BRI3: variants seen among roughly 807,000 people sequenced by gnomAD.
BRI3 encodes membrane protein BRI3.
In BRI3, 6 loss-of-function variants were observed where a neutral mutation model predicts 12.8. The observed-to-expected ratio is 0.47, with a 90% confidence interval of 0.26 to 0.93. The LOEUF is 0.93. Among genes scored for constraint, BRI3 ranks in the 40% least tolerant of loss-of-function variants. The pLI, the probability that BRI3 is intolerant of heterozygous loss-of-function variation, is 0.15. For synonymous variants in BRI3, 91 were observed against 76.1 expected (o/e 1.20, Z -1.02); for missense variants, 134 against 171.1 (o/e 0.78, Z 1.21).
chr7:98,292,755 C>T (rs1281246319), downstream of BRI3: 1 of 1,550,394 alleles, frequency 6.4e-7, no homozygotes. Context: ...GCAGCTTTGG[C>T]CAACTAGCTG....
chr7:98,297,362 G>A (rs1303130372), downstream of BRI3, among the ~76,000 whole-genome samples: 6 of 152,128 alleles, frequency 3.9e-5, no homozygotes, highest in African/African-American at 1.4e-4. Context: ...TTTCAGAGGG[G>A]TCCCGGGCAG....
At chr7:98,312,295 A>G (rs202108274), downstream of BRI3, 3 of 1,576,244 alleles carry the variant, frequency 1.9e-6, no homozygotes, top group East Asian at 6.8e-5. Context: ...GACTAAAGAC[A>G]AAGAAGATTG....
At chr7:98,294,036 T>C (rs538027916), downstream of BRI3, 5 of 1,608,306 alleles carry the variant, frequency 3.1e-6, no homozygotes, top group Non-Finnish European at 4.3e-6. Context: ...GGAAGAGCAA[T>C]GTCACACACT....
chr7:98,307,866 G>A lies in BRI3; in HGVS notation n.496G>A. The A allele has an allele frequency of 3.1e-6, 5 of 1,614,246 alleles. No individual in the cohort carries two copies. The highest frequency in any genetic ancestry group is 4.2e-6 in the Non-Finnish European group (5 of 1,180,054). On this transcript the variant is annotated non_coding_transcript_exon_variant, in exon 2 of 2. Coordinates refer to the BRI3 transcript ENST00000485422. ...GTTCAGTCCCGTTGCAACCGAAACTGATCGCTGTAAACTGGGATCTTCGGA... is the reference window on the plus strand; with the variant it reads ...GTTCAGTCCCGTTGCAACCGAAACTAATCGCTGTAAACTGGGATCTTCGGA...
rs188419788 is a variant in BRI3, at chr7:98,310,393, C to T, written n.3023C>T. On this transcript the variant is annotated non_coding_transcript_exon_variant, in exon 2 of 2. Transcript: ENST00000485422. The stretch of plus-strand genomic sequence containing the variant: ...ACAAAATATTTATTTCACAGCTTAT[C>T]TTAAAACAAATGTAAAAGGTATCTT... 10 of 1,541,402 alleles carry T rather than the reference C, an allele frequency of 6.5e-6. No homozygotes were observed. The Admixed American group carries it at 1.5e-4, about 23-fold the overall frequency.
chr7:98,282,846 T>C (rs562472508), intron 2 of BRI3: 1 of 192,326 alleles, frequency 5.2e-6, no homozygotes, highest in Admixed American at 5.6e-5. Flanking sequence ...TCGTCGAAGG[T>C]GGTGGAAGGT....
At chr7:98,292,332 C>T, downstream of BRI3, 1 of 358,152 alleles carries the variant, frequency 2.8e-6, no homozygotes, top group East Asian at 6.1e-5. Flanking sequence ...AGTGATTCTC[C>T]TGCCTCAGCC....
the BRI3 span, chr7:98,317,090 T>C: frequency 8.4e-7 from 1 of 1,187,922 alleles, no homozygotes; most frequent in Non-Finnish European, 1.2e-6. Context: ...TGACCTCATA[T>C]GATCCTACTG....
At chr7:98,315,118 T>C (rs1176342532), downstream of BRI3, among the ~76,000 whole-genome samples, 1 of 152,070 alleles carries the variant, frequency 6.6e-6, no homozygotes, top group Non-Finnish European at 1.5e-5. Context: ...TGTGTGTATA[T>C]CTCTGTACGT....
downstream of BRI3, among the ~76,000 whole-genome samples, chr7:98,296,236 G>A (rs1368061827): frequency 2.6e-5 from 4 of 152,254 alleles, no homozygotes; most frequent in African/African-American, 4.8e-5. Context: ...TGATCGTGGG[G>A]GCCGGGAACG....
chr7:98,309,072 C>A (rs1234065571), exon 2 of BRI3: 1 of 152,088 alleles, frequency 6.6e-6, no homozygotes, highest in Non-Finnish European at 1.5e-5. Flanking sequence ...TTTATTCTTG[C>A]AGATTCTTCA....
At chr7:98,304,422 ACCAAACC>A (rs757545064), upstream of BRI3, 22 of 1,594,264 alleles carry the variant, frequency 1.4e-5, no homozygotes, top group Non-Finnish European at 1.7e-5. Context: ...ATGTCTCACC[ACCAAACC>A]CCAAACATCC....
downstream of BRI3, among the ~76,000 whole-genome samples, chr7:98,296,402 C>G (rs1460431161): frequency 6.6e-6 from 1 of 152,166 alleles, no homozygotes; most frequent in East Asian, 1.9e-4. Context: ...GAGGTGGGCG[C>G]ATCACCTGAG....
At chr7:98,314,472 G>A (rs909801516), downstream of BRI3, among the ~76,000 whole-genome samples, 4 of 152,132 alleles carry the variant, frequency 2.6e-5, no homozygotes, top group Admixed American at 6.5e-5. Flanking sequence ...CTCAACCAGT[G>A]CTAGTTTTGG....
the BRI3 span, among the ~76,000 whole-genome samples, chr7:98,321,972 T>G: frequency 6.6e-6 from 1 of 152,092 alleles, no homozygotes; most frequent in African/African-American, 2.4e-5. Flanking sequence ...GGCACGTGCC[T>G]GTAATCCCAG....
chr7:98,320,078 G>C, the BRI3 span: 2 of 1,613,676 alleles, frequency 1.2e-6, no homozygotes, highest in Non-Finnish European at 1.7e-6. Context: ...TTCACGTCAA[G>C]TTCTATCTTC....
At chr7:98,292,985 G>A (rs1800033684), downstream of BRI3, 1 of 1,178,170 alleles carries the variant, frequency 8.5e-7, no homozygotes, top group African/African-American at 1.6e-5. Context: ...TCCATCTCTG[G>A]AAGCTCTACA....
At chr7:98,290,491 G>A (rs931381570) in intron 2 of BRI3, among the ~76,000 whole-genome samples, 4 of 139,562 alleles carry the variant, frequency 2.9e-5, no homozygotes, top group South Asian at 4.8e-4. Context: ...CACCGCGCCC[G>A]GCCATCTCTC....
the BRI3 span, chr7:98,320,032 G>A: frequency 5.6e-6 from 9 of 1,598,468 alleles, no homozygotes; most frequent in African/African-American, 1.1e-4. Context: ...CCCAAGGCTG[G>A]GGCTGGAGGA....
Sources: allele counts gnomAD v4.1 joint callset (sites outside exome capture counted in the v4.1 genomes callset), GRCh38; gene constraint gnomAD v4.1.1; transcripts MANE v1.5; gene names NCBI Gene and HGNC (gene_info 2026-07-23, HGNC 2026-07-21).